The following GAREM1 variants were observed in gnomAD, a reference collection of about 807,000 sequenced individuals.
GAREM1 encodes GRB2-associated and regulator of MAPK protein 1.
GAREM1 carries 26 observed loss-of-function variants against 71.3 expected under a neutral mutation model. That is an observed-to-expected ratio of 0.36 (90% CI 0.27 to 0.51). The LOEUF is 0.51. Ranked by LOEUF, GAREM1 falls within the 20% of genes least tolerant of loss-of-function variation. The pLI is 0.95. For missense variants in GAREM1, 1,026 were observed against 1,103.1 expected, an observed-to-expected ratio of 0.93 and a Z score of 0.99; for synonymous variants, 440 against 433.2, an observed-to-expected ratio of 1.02 and a Z score of -0.20.
intron 2 of GAREM1, 119 bp downstream of exon 2, chr18:32,392,776 A>T: frequency 9.3e-7 from 1 of 1,076,696 alleles, no homozygotes; most frequent in Non-Finnish European, 1.3e-6. Flanking sequence ...CCACACACAA[A>T]TGTTTGATTC....
intron 1 of GAREM1, among the ~76,000 whole-genome samples, chr18:32,444,144 G>A (rs1239399435): frequency 6.6e-6 from 1 of 152,118 alleles, no homozygotes; most frequent in Non-Finnish European, 1.5e-5. Context: ...GCAAATGGGT[G>A]CAAGGTTTCT....
chr18:32,268,636 A>T lies in GAREM1; in HGVS notation c.1866T>A (p.Ser622=), dbSNP rs2041412024. Residue 622 remains serine, a synonymous_variant, in exon 6 of 6, where the codon TCT becomes TCA. Transcript: ENST00000269209. ...FGSPSAEAVS[S]RLSWPNHYSG... ...AATAATGGTTAGGCCATGAGAGCCG[A>T]GAGGACACAGCTTCAGCAGAAGGAC... The T allele has an allele frequency of 2.5e-6, 4 of 1,614,076 alleles. No individual in the cohort carries two copies. In the South Asian group the frequency reaches 4.4e-5, roughly 18 times the overall value.
At chr18:32,440,942 CAA>C (rs2048730429) in intron 1 of GAREM1, among the ~76,000 whole-genome samples, 1 of 152,156 alleles carries the variant, frequency 6.6e-6, no homozygotes, top group Admixed American at 6.5e-5. Flanking sequence ...ACATAAGTCT[CAA>C]AGAGTTTATC....
intron 2 of GAREM1, among the ~76,000 whole-genome samples, chr18:32,315,428 G>GTGTA (rs2047366388): frequency 7.0e-6 from 1 of 142,182 alleles, no homozygotes; most frequent in African/African-American, 2.6e-5. Context: ...TATATATAAA[G>GTGTA]TATATATAAA....
intron 2 of GAREM1, among the ~76,000 whole-genome samples, chr18:32,346,155 T>C (rs117375707): frequency 2.6e-5 from 4 of 152,320 alleles, no homozygotes; most frequent in Non-Finnish European, 4.4e-5. Flanking sequence ...TATAAAATAA[T>C]CATTTTATCT....
intron 1 of GAREM1, among the ~76,000 whole-genome samples, chr18:32,427,814 A>T (rs1275621490): frequency 6.6e-6 from 1 of 152,224 alleles, no homozygotes; most frequent in East Asian, 1.9e-4. Flanking sequence ...AAAAAATGCC[A>T]CATCATTTGT....
intron 1 of GAREM1, among the ~76,000 whole-genome samples, chr18:32,399,921 T>A (rs1218735911): frequency 6.6e-6 from 1 of 152,148 alleles, no homozygotes; most frequent in Non-Finnish European, 1.5e-5. Context: ...GACTTCAAAC[T>A]ATACTACAAG....
chr18:32,392,808 G>C, intron 2 of GAREM1, 87 bp downstream of exon 2: 5 of 1,411,532 alleles, frequency 3.5e-6, no homozygotes, highest in Non-Finnish European at 9.8e-7. Context: ...CTACTTTCTA[G>C]TTTACAGACA....
chr18:32,433,406 T>C (rs1260512268), intron 1 of GAREM1, among the ~76,000 whole-genome samples: 19 of 151,424 alleles, frequency 1.3e-4, no homozygotes, highest in Admixed American at 1.2e-3. Context: ...ACCACTCTTA[T>C]TCAACATAAT....
chr18:32,423,085 A>G (rs1167439373), intron 1 of GAREM1, among the ~76,000 whole-genome samples: 1 of 152,222 alleles, frequency 6.6e-6, no homozygotes, highest in Non-Finnish European at 1.5e-5. Context: ...GTATCAAAGC[A>G]AACCCAGCCC....
chr18:32,464,965 T>C (rs117263732), intron 1 of GAREM1, among the ~76,000 whole-genome samples: 4,857 of 152,288 alleles, frequency 0.032, 102 homozygotes, highest in Non-Finnish European at 0.044. Context: ...AACAATTTAC[T>C]GAATGAAGAA....
At chr18:32,397,020 G>A (rs568589362) in intron 1 of GAREM1, among the ~76,000 whole-genome samples, 1 of 152,164 alleles carries the variant, frequency 6.6e-6, no homozygotes, top group East Asian at 1.9e-4. Context: ...TTAAAGAAAA[G>A]AATTTTCAAC....
chr18:32,281,902 G>T (rs1490147934), intron 4 of GAREM1, among the ~76,000 whole-genome samples: 2 of 152,140 alleles, frequency 1.3e-5, no homozygotes, highest in Non-Finnish European at 2.9e-5. Flanking sequence ...CTTAACTGAT[G>T]ACATTCCACC....
intron 2 of GAREM1, among the ~76,000 whole-genome samples, chr18:32,311,465 T>C (rs555659170): frequency 1.3e-5 from 2 of 152,342 alleles, no homozygotes; most frequent in African/African-American, 4.8e-5. Context: ...CAGCAGGAGA[T>C]GGATACTATA....
At chr18:32,412,395 T>C (rs1388276069) in intron 1 of GAREM1, 206 of 1,586,642 alleles carry the variant, frequency 1.3e-4, no homozygotes, top group Non-Finnish European at 1.6e-4. Flanking sequence ...GCCAAAATCA[T>C]TGTAGCTTCC....
chr18:32,452,219 T>C (rs976684786), intron 1 of GAREM1, among the ~76,000 whole-genome samples: 2 of 152,160 alleles, frequency 1.3e-5, no homozygotes, highest in African/African-American at 4.8e-5. Context: ...ATTTTTATAA[T>C]AGAGTTCATC....
At chr18:32,451,491 C>T (rs927171412) in intron 1 of GAREM1, among the ~76,000 whole-genome samples, 1 of 152,180 alleles carries the variant, frequency 6.6e-6, no homozygotes, top group African/African-American at 2.4e-5. Flanking sequence ...GTACCCAAGT[C>T]AGTAACCTCA....
intron 2 of GAREM1, among the ~76,000 whole-genome samples, chr18:32,336,473 G>A (rs2047597170): frequency 1.3e-5 from 2 of 150,758 alleles, no homozygotes; most frequent in African/African-American, 4.9e-5. Flanking sequence ...TATGAAAGCA[G>A]CAATCACAGT....
chr18:32,465,003 C>T (rs1249877291), intron 1 of GAREM1, among the ~76,000 whole-genome samples: 2 of 152,054 alleles, frequency 1.3e-5, no homozygotes, highest in African/African-American at 2.4e-5. Context: ...TCTAGTTTTC[C>T]TACACGGGAA....
Sources: gnomAD v4.1 joint callset for allele counts (sites outside exome capture counted in the v4.1 genomes callset) on GRCh38, gnomAD v4.1.1 for gene constraint, MANE v1.5 for transcripts, NCBI Gene and HGNC (gene_info 2026-07-23, HGNC 2026-07-21) for gene names.